The following OR2C1 variants were observed in gnomAD, a reference collection of about 807,000 sequenced individuals.
OR2C1 encodes olfactory receptor 2C1.
For synonymous variants in OR2C1, 209 were observed against 167.3 expected (o/e 1.25, Z -1.92); for missense variants, 468 against 388.3 (o/e 1.21, Z -1.73).
the OR2C1 span, among the ~76,000 whole-genome samples, chr16:3,329,017 C>G: frequency 1.5e-5 from 2 of 136,266 alleles, no homozygotes; most frequent in Non-Finnish European, 3.2e-5. Context: ...TAATTTGAAG[C>G]AGGGTCTCAC....
the OR2C1 span, among the ~76,000 whole-genome samples, chr16:3,343,845 A>G: frequency 2.0e-5 from 3 of 152,266 alleles, no homozygotes; most frequent in South Asian, 6.2e-4. Context: ...TCTGTTCAAT[A>G]AAGGTCAGCA....
chr16:3,351,695 T>C (rs1308528206), upstream of OR2C1, among the ~76,000 whole-genome samples: 1 of 152,096 alleles, frequency 6.6e-6, no homozygotes, highest in Admixed American at 6.6e-5. Context: ...GAAAGCTTAC[T>C]CCCCAGCCCT....
the OR2C1 span, among the ~76,000 whole-genome samples, chr16:3,339,945 T>C: frequency 6.3e-4 from 96 of 152,322 alleles, 2 homozygotes; most frequent in South Asian, 0.019. Context: ...GCCATGTCTC[T>C]TCTTTGGGGA....
At chr16:3,328,289 A>G in the OR2C1 span, among the ~76,000 whole-genome samples, 1 of 152,218 alleles carries the variant, frequency 6.6e-6, no homozygotes, top group Non-Finnish European at 1.5e-5. Flanking sequence ...AGTTCTTTGC[A>G]ACCAGAATTC....
At chr16:3,347,403 TTAAAC>T in the OR2C1 span, among the ~76,000 whole-genome samples, 1 of 151,702 alleles carries the variant, frequency 6.6e-6, no homozygotes, top group Non-Finnish European at 1.5e-5. Flanking sequence ...TCTAATTAAA[TTAAAC>T]TAATTAAATT....
rs187774379 is a variant in OR2C1, at chr16:3,357,161, C to G, written c.*282C>G. On this transcript the variant is annotated 3_prime_UTR_variant, in exon 1 of 1. Coordinates refer to ENST00000304936, the MANE Select transcript of OR2C1 (RefSeq NM_012368.3). Reference sequence around the variant, plus strand: ...ACCTGTGACAGACCTGTCTCACTGTCTCTGTCTCTGTTGCCCACATGTTAT... The same window carrying G: ...ACCTGTGACAGACCTGTCTCACTGTGTCTGTCTCTGTTGCCCACATGTTAT... The G allele has an allele frequency of 5.0e-5, 18 of 358,256 alleles. No homozygotes were observed. In the Admixed American group the frequency reaches 5.8e-4, roughly 11 times the overall value. The allele number at this position is 358,256 out of a possible 1,614,324, so 22.2% of individuals were successfully genotyped here.
At chr16:3,345,809 C>CTCCTTCCT in the OR2C1 span, among the ~76,000 whole-genome samples, 2 of 138,730 alleles carry the variant, frequency 1.4e-5, no homozygotes, top group Non-Finnish European at 3.0e-5. Flanking sequence ...TCTCTTTTCT[C>CTCCTTCCT]TCCTTCCTTC....
the OR2C1 span, among the ~76,000 whole-genome samples, chr16:3,329,169 GAC>G: frequency 0.023 from 2,651 of 115,078 alleles, 32 homozygotes; most frequent in Middle Eastern, 0.039. Context: ...TGGGAGGGAA[GAC>G]ACACACACAC....
chr16:3,323,629 C>T, the OR2C1 span: 4 of 721,580 alleles, frequency 5.5e-6, no homozygotes. Context: ...CCAGTAGACT[C>T]ACGCCAACAA....
At chr16:3,352,367 G>A (rs1234029079), upstream of OR2C1, among the ~76,000 whole-genome samples, 1 of 151,968 alleles carries the variant, frequency 6.6e-6, no homozygotes, top group Non-Finnish European at 1.5e-5. Flanking sequence ...CACCCGCCTC[G>A]GCCTCCCAAA....
chr16:3,342,838 C>T, the OR2C1 span, among the ~76,000 whole-genome samples: 569 of 152,180 alleles, frequency 3.7e-3, 3 homozygotes, highest in African/African-American at 0.013. Flanking sequence ...GATCGCTGCA[C>T]TCTAGACTGG....
the OR2C1 span, among the ~76,000 whole-genome samples, chr16:3,328,649 T>G: frequency 1.3e-5 from 2 of 152,162 alleles, no homozygotes; most frequent in Admixed American, 1.3e-4. Flanking sequence ...TGGCTCCCCT[T>G]TGGGGTTCTG....
the OR2C1 span, among the ~76,000 whole-genome samples, chr16:3,332,587 G>A: frequency 2.0e-5 from 3 of 152,076 alleles, no homozygotes; most frequent in African/African-American, 7.2e-5. Flanking sequence ...CCACATGTGA[G>A]TGAAAACGTG....
chr16:3,349,688 G>A, the OR2C1 span, among the ~76,000 whole-genome samples: 5 of 152,092 alleles, frequency 3.3e-5, no homozygotes, highest in African/African-American at 1.2e-4. Context: ...AAGGAAAATA[G>A]CAGAGACAGA....
the OR2C1 span, chr16:3,323,123 A>G: frequency 2.4e-5 from 13 of 537,614 alleles, no homozygotes; most frequent in Admixed American, 3.5e-5. Flanking sequence ...AAAAATCTCA[A>G]AAAAACAAAA....
the OR2C1 span, among the ~76,000 whole-genome samples, chr16:3,345,080 A>G: frequency 3.3e-5 from 5 of 152,308 alleles, no homozygotes; most frequent in East Asian, 9.6e-4. Flanking sequence ...ATGCATATCA[A>G]TCATTAGAAA....
At chr16:3,354,008 G>C (rs554074937), upstream of OR2C1, among the ~76,000 whole-genome samples, 19 of 142,004 alleles carry the variant, frequency 1.3e-4, no homozygotes, top group East Asian at 3.9e-3. Context: ...TTTTGAGACA[G>C]AGTCTAGCTC....
upstream of OR2C1, among the ~76,000 whole-genome samples, chr16:3,353,221 G>A (rs1229109394): frequency 6.6e-6 from 1 of 151,878 alleles, no homozygotes; most frequent in Non-Finnish European, 1.5e-5. Context: ...GCCGGTCGCG[G>A]TGGCTCACGC....
chr16:3,331,943 G>T, the OR2C1 span, among the ~76,000 whole-genome samples: 1 of 151,798 alleles, frequency 6.6e-6, no homozygotes, highest in Non-Finnish European at 1.5e-5. Context: ...GGATGAAATT[G>T]GAAATCATCA....
Sources: gnomAD v4.1 joint callset for allele counts (sites outside exome capture counted in the v4.1 genomes callset) on GRCh38, gnomAD v4.1.1 for gene constraint, MANE v1.5 for transcripts, NCBI Gene and HGNC (gene_info 2026-07-23, HGNC 2026-07-21) for gene names.